Variants in SDAD1 observed in about 807,000 individuals in gnomAD.
SDAD1 encodes the protein SDA1 domain containing 1, also known as protein SDA1 homolog.
Under a neutral mutation model 100.3 loss-of-function variants are expected in SDAD1, and 79 were observed. That is an observed-to-expected ratio of 0.79 (90% CI 0.66 to 0.95). The LOEUF (loss-of-function observed/expected upper bound fraction) is 0.95, where lower values mean the gene tolerates loss of function less well. Among genes scored for constraint, SDAD1 ranks in the 40% least tolerant of loss-of-function variants. SDAD1 has a pLI of 0.00. For synonymous variants in SDAD1, 267 were observed against 271.4 expected (o/e 0.98, Z 0.16); for missense variants, 790 against 810.9 (o/e 0.97, Z 0.31).
In SDAD1 at chr4:75,966,914, C is replaced by T. The variant is rs570517201; in HGVS notation, c.1045+363G>A. 6.6e-4 allele frequency among the ~76,000 whole-genome samples: 101 copies of T among 152,082 alleles called. 1 individual carries two copies. The highest frequency in any genetic ancestry group is 2.4e-3 in the African/African-American group (100 of 41,466). On this transcript the variant is annotated intron_variant, in intron 12 of 21. Transcript: ENST00000356260. Reference sequence around the variant, plus strand: ...CCTGAGTAGCTGGGATTACAGGTGCCCGACACCACATCCGGCTAATTTTTG... The same window carrying T: ...CCTGAGTAGCTGGGATTACAGGTGCTCGACACCACATCCGGCTAATTTTTG...
At chr4:75,952,487 C>G (rs1450312846) in intron 21 of SDAD1, among the ~76,000 whole-genome samples, 2 of 152,180 alleles carry the variant, frequency 1.3e-5, no homozygotes, top group African/African-American at 4.8e-5. Context: ...CCTTCCCTAT[C>G]GTATGCTTTA....
At chr4:75,973,165 T>C (rs906874887) in intron 8 of SDAD1, 152 bp downstream of exon 8, 8 of 578,244 alleles carry the variant, frequency 1.4e-5, no homozygotes, top group Non-Finnish European at 3.1e-6. Context: ...AGTGACAAAT[T>C]CCAAGTAGAG....
Position 75,974,153 on chromosome 4 carries a change from G to A in SDAD1, c.579-20C>T. 1 of 1,603,838 alleles carries A rather than the reference G, an allele frequency of 6.2e-7. No homozygotes were observed. Among genetic ancestry groups the A allele is most frequent in the Non-Finnish European group, 8.5e-7 (1 of 1,170,972 alleles). On this transcript the variant is annotated intron_variant, in intron 6 of 21. Transcript: ENST00000356260. ...TCATTCCTGGGGGAAGACAATGAAT[G>A]CTTTGAAGTAAATTTTCATTCTACT...
intron 10 of SDAD1, among the ~76,000 whole-genome samples, chr4:75,970,081 T>A (rs1729779048): frequency 6.6e-6 from 1 of 152,040 alleles, no homozygotes; most frequent in South Asian, 2.1e-4. Context: ...GTTAAAAACA[T>A]GAATCTCAGA....
chr4:75,953,052 A>G (rs1324737003), intron 21 of SDAD1, among the ~76,000 whole-genome samples: 1 of 152,220 alleles, frequency 6.6e-6, no homozygotes, highest in Admixed American at 6.5e-5. Context: ...TTTATAATGA[A>G]GAGATCTTGA....
At chr4:75,976,661 C>T (rs541175084) in intron 4 of SDAD1, among the ~76,000 whole-genome samples, 3 of 152,150 alleles carry the variant, frequency 2.0e-5, no homozygotes, top group Admixed American at 6.5e-5. Context: ...TTGTACCACG[C>T]TGTGAATACA....
intron 11 of SDAD1, 124 bp from the exon 12 acceptor site, chr4:75,967,458 G>T: frequency 1.3e-6 from 1 of 785,154 alleles, no homozygotes; most frequent in Non-Finnish European, 2.1e-6. Context: ...TTCTCAGTAA[G>T]CAATCATGCC....
At chr4:75,981,501 GCT>G (rs758628001) in intron 2 of SDAD1, 31 bp from the exon 3 acceptor site, 78 of 1,612,498 alleles carry the variant, frequency 4.8e-5, no homozygotes, top group Non-Finnish European at 6.4e-5. Flanking sequence ...TTCTGAAGTT[GCT>G]CTCTTTCTCT....
rs150249189 is a variant in SDAD1, at chr4:75,971,444, T to C, written c.726A>G (p.Thr242=). The C allele has an allele frequency of 1.2e-6, 2 of 1,612,458 alleles. No homozygotes were observed. Among genetic ancestry groups the C allele is most frequent in the African/African-American group, 2.7e-5 (2 of 75,022 alleles). Residue 242 remains threonine, a synonymous_variant, in exon 9 of 22, where the codon ACA becomes ACG. Coordinates refer to ENST00000356260, the MANE Select transcript of SDAD1 (RefSeq NM_018115.4). ...CATATTGTACTAGCAGGTCTCTTGC[T>C]GTTGGTCCATCATCCTAAAGAAGAA... The part of the protein sequence containing the change: ...SDSESEDDGP[T]ARDLLVQYAT...
Position 75,957,904 on chromosome 4 carries a change from A to ATCC in SDAD1, c.1518_1520dup (p.Glu506dup), listed in dbSNP as rs1186035906. 6.2e-7 allele frequency: 1 copy of ATCC among 1,613,254 alleles called. No homozygotes were observed. On this transcript the variant is annotated inframe_insertion, in exon 18 of 22. Coordinates refer to ENST00000356260, the MANE Select transcript of SDAD1 (RefSeq NM_018115.4). ...GCACATCAATCCATTCACCATCAGCATCCTCCTCCTCACTGAGACTGGTAC... is the reference window on the plus strand; with the variant it reads ...GCACATCAATCCATTCACCATCAGCATCCTCCTCCTCCTCACTGAGACTGGTAC...
chr4:75,983,047 G>T (rs1730639179), intron 1 of SDAD1, among the ~76,000 whole-genome samples: 1 of 151,606 alleles, frequency 6.6e-6, no homozygotes, highest in South Asian at 2.1e-4. Context: ...TGCGGTGTTT[G>T]GTTTTCTGTC....
Position 75,963,633 on chromosome 4 carries a change from G to C in SDAD1, c.1181+502C>G, listed in dbSNP as rs539946034. On this transcript the variant is annotated intron_variant, in intron 14 of 21. Transcript: ENST00000356260. ...TGATTAGGCCTAATGTTGTTATCTT[G>C]GGAGAAGGTCCCTTATCACCAGTGA... Among the ~76,000 whole-genome samples the C allele has an allele frequency of 5.3e-5, 8 of 152,176 alleles. No homozygotes were observed. The East Asian group carries it at 1.5e-3, about 29-fold the overall frequency.
chr4:75,985,326 T>C (rs1389506335), intron 1 of SDAD1, among the ~76,000 whole-genome samples: 1 of 152,164 alleles, frequency 6.6e-6, no homozygotes, highest in Non-Finnish European at 1.5e-5. Flanking sequence ...AGATGCTCTA[T>C]GGGAACAGTG....
At chr4:75,958,318 T>C (rs566073993) in intron 17 of SDAD1, among the ~76,000 whole-genome samples, 1 of 152,320 alleles carries the variant, frequency 6.6e-6, no homozygotes, top group South Asian at 2.1e-4. Context: ...AAACCAACTG[T>C]GTCCATCAAA....
intron 11 of SDAD1, among the ~76,000 whole-genome samples, chr4:75,968,530 A>G (rs1272479262): frequency 1.3e-5 from 2 of 152,162 alleles, no homozygotes; most frequent in African/African-American, 4.8e-5. Flanking sequence ...GTCTAACAGT[A>G]TGTGTAAAGT....
Position 75,961,009 on chromosome 4 carries a change from A to G in SDAD1, c.1356+19T>C, listed in dbSNP as rs145396500. On this transcript the variant is annotated intron_variant, in intron 16 of 21. Coordinates refer to ENST00000356260, the MANE Select transcript of SDAD1 (RefSeq NM_018115.4). ...GTGAGACCATAACCTTTAGACCAAC[A>G]TAAGTGTGCTTTACCTACCCGGAAT... 874 of 1,607,838 alleles carry G rather than the reference A, an allele frequency of 5.4e-4. 4 individuals carry two copies. The African/African-American group carries it at 9.5e-3, about 18-fold the overall frequency.
At chr4:75,954,788 C>T (rs1728801194) in intron 21 of SDAD1, among the ~76,000 whole-genome samples, 1 of 152,126 alleles carries the variant, frequency 6.6e-6, no homozygotes. Flanking sequence ...TTCACATCAC[C>T]AAGATTCCTA....
In SDAD1 at chr4:75,981,434, G is replaced by A. The variant is rs754724162; in HGVS notation, c.232C>T (p.Pro78Ser). 2.1e-5 allele frequency: 34 copies of A among 1,613,818 alleles called. No individual in the cohort carries two copies. The highest frequency in any genetic ancestry group is 2.7e-5 in the Non-Finnish European group (32 of 1,179,798). The change falls in exon 3 of 22, where the codon CCT becomes TCT. Residue 78 changes from proline (P) to serine (S), a missense_variant. Transcript: ENST00000356260. The part of the protein sequence containing the change: ...HCYPEYLSNF[P>S]QEVKDLLSCN... ...GAGAGAAGATCTTTCACCTCTTGAG[G>A]AAAATTACTTAGGTACTCTGGGTAG...
At position 75,957,713 on chromosome 4, in the gene SDAD1, A is replaced by G; in HGVS notation, c.1579-5T>C. On this transcript the variant is annotated splice_polypyrimidine_tract_variant and splice_region_variant and intron_variant, in intron 18 of 21. Coordinates refer to ENST00000356260, the MANE Select transcript of SDAD1 (RefSeq NM_018115.4). Reference sequence around the variant, plus strand: ...CATGCTGTTCAGCTTCTTGGACTTGAAACCACACAAGGGCTTAAATGGCTA... The same window carrying G: ...CATGCTGTTCAGCTTCTTGGACTTGGAACCACACAAGGGCTTAAATGGCTA... 6.2e-7 allele frequency: 1 copy of G among 1,614,132 alleles called. No homozygotes were observed. The highest frequency in any genetic ancestry group is 8.5e-7 in the Non-Finnish European group (1 of 1,179,986).
Sources: gnomAD v4.1 joint callset for allele counts (sites outside exome capture counted in the v4.1 genomes callset) on GRCh38, gnomAD v4.1.1 for gene constraint, MANE v1.5 for transcripts, NCBI Gene and HGNC (gene_info 2026-07-23, HGNC 2026-07-21) for gene names.